The following MPDZ variants were observed in gnomAD, a reference collection of about 807,000 sequenced individuals.
MPDZ encodes the protein multiple PDZ domain crumbs cell polarity complex component.
MPDZ carries 234 observed loss-of-function variants against 239.1 expected under a neutral mutation model. The observed-to-expected ratio is 0.98, with a 90% confidence interval of 0.88 to 1.09. The LOEUF is 1.09. Ranked by LOEUF, MPDZ falls within the 50% of genes least tolerant of loss-of-function variation. The pLI is 0.00. For synonymous variants in MPDZ, 1,048 were observed against 881.3 expected (o/e 1.19, Z -3.35); for missense variants, 3,175 against 2,510.0 (o/e 1.26, Z -5.66).
At chr9:13,250,562 G>A (rs1269158810) in intron 1 of MPDZ, among the ~76,000 whole-genome samples, 190 bp from the exon 2 acceptor site, 2 of 152,216 alleles carry the variant, frequency 1.3e-5, no homozygotes, top group African/African-American at 2.4e-5. Context: ...TATCTTCTAT[G>A]TATATATTTA....
At position 13,205,201 on chromosome 9, in the gene MPDZ, G is replaced by A. The variant is rs983514538; in HGVS notation, c.1475-94C>T. ...AGTATATTTATTTGAACTCCTACAT[G>A]AGAATCTGTTTTTCAGAGATAAACT... is the stretch of plus-strand genomic sequence containing the variant. On this transcript the variant is annotated intron_variant, in intron 11 of 46. Coordinates refer to ENST00000319217, the MANE Select transcript of MPDZ (RefSeq NM_001378778.1). The A allele has an allele frequency of 4.9e-6, 3 of 607,700 alleles. No homozygotes were observed. The African/African-American group carries it at 5.8e-5, about 12-fold the overall frequency. 37.6% of individuals were successfully genotyped at this position (607,700 alleles called of 1,614,324 possible). A position where few individuals can be genotyped will look rare whatever the true frequency, so the allele number is the denominator to read the frequency against.
At chr9:13,226,225 C>T (rs1210944275) in intron 3 of MPDZ, among the ~76,000 whole-genome samples, 3 of 152,072 alleles carry the variant, frequency 2.0e-5, no homozygotes, top group African/African-American at 7.2e-5. Flanking sequence ...GTAACAACAA[C>T]GGAAAAGATC....
intron 3 of MPDZ, among the ~76,000 whole-genome samples, chr9:13,235,356 T>C (rs971645676): frequency 6.6e-6 from 1 of 152,190 alleles, no homozygotes; most frequent in Non-Finnish European, 1.5e-5. Flanking sequence ...TTTTACATTT[T>C]CTATGAGACC....
intron 21 of MPDZ, among the ~76,000 whole-genome samples, chr9:13,174,240 G>C (rs570188417): frequency 6.6e-6 from 1 of 151,986 alleles, no homozygotes; most frequent in Non-Finnish European, 1.5e-5. Flanking sequence ...ATCTATTATA[G>C]CATGTACAAT....
At chr9:13,256,179 G>C (rs1854664) in intron 1 of MPDZ, among the ~76,000 whole-genome samples, 147,670 of 152,292 alleles carry the variant, frequency 0.97, 71,732 homozygotes, top group East Asian at 1. Context: ...CTGCAGCTCC[G>C]TCACCTCTCT....
At chr9:13,201,308 G>C (rs1956361223) in intron 12 of MPDZ, among the ~76,000 whole-genome samples, 1 of 151,688 alleles carries the variant, frequency 6.6e-6, no homozygotes, top group South Asian at 2.1e-4. Context: ...AGCAATATTG[G>C]GGCTTCTTTG....
intron 38 of MPDZ, among the ~76,000 whole-genome samples, chr9:13,121,405 A>C (rs1944326585): frequency 1.3e-5 from 2 of 152,314 alleles, no homozygotes; most frequent in Non-Finnish European, 2.9e-5. Flanking sequence ...AATATATTTA[A>C]TTCGACGTTC....
intron 29 of MPDZ, 29 bp downstream of exon 29, chr9:13,137,928 T>C (rs1947073877): frequency 9.3e-6 from 15 of 1,609,212 alleles, no homozygotes; most frequent in Non-Finnish European, 1.3e-5. Context: ...AAAACAAGAA[T>C]AAATTCAAAA....
At chr9:13,119,242 C>T (rs1586931376) in intron 39 of MPDZ, among the ~76,000 whole-genome samples, 1 of 152,112 alleles carries the variant, frequency 6.6e-6, no homozygotes, top group East Asian at 1.9e-4. Context: ...CACAACCATG[C>T]CCAACTAATT....
chr9:13,195,611 G>A (rs1324515231), intron 13 of MPDZ, among the ~76,000 whole-genome samples: 1 of 151,886 alleles, frequency 6.6e-6, no homozygotes, highest in African/African-American at 2.4e-5. Context: ...TAGATATACA[G>A]GCTACTAATA....
chr9:13,150,663 T>C lies in MPDZ; in HGVS notation c.3478A>G (p.Lys1160Glu). 4 of 1,429,010 alleles carry C rather than the reference T, an allele frequency of 2.8e-6. No homozygotes were observed. The highest frequency in any genetic ancestry group is 3.7e-6 in the Non-Finnish European group (4 of 1,083,240). The allele number at this position is 1,429,010 out of a possible 1,614,324, so 88.5% of individuals were successfully genotyped here. Residue 1160 changes from lysine (K) to glutamate (E), a missense_variant, in exon 25 of 47, where the codon AAA (lysine) becomes GAA (glutamate). Transcript: ENST00000319217. ...RRVELWREPS[K>E]SLGISIVGGR... ...CCAACAATGCTGATGCCTAAGGATT[T>C]GCTTGGTTCTCTCCAGAGTTCCACC...
At chr9:13,152,290 G>C (rs1341381764) in intron 24 of MPDZ, among the ~76,000 whole-genome samples, 1 of 152,024 alleles carries the variant, frequency 6.6e-6, no homozygotes, top group African/African-American at 2.4e-5. Flanking sequence ...AACCTCCCCT[G>C]CTGATATGGT....
intron 1 of MPDZ, among the ~76,000 whole-genome samples, chr9:13,255,019 A>G (rs1969087254): frequency 6.6e-6 from 1 of 152,180 alleles, no homozygotes; most frequent in Admixed American, 6.5e-5. Flanking sequence ...ACAGCATTTT[A>G]CCCACAATAG....
At chr9:13,258,352 T>TA (rs1969921215) in intron 1 of MPDZ, among the ~76,000 whole-genome samples, 1 of 152,212 alleles carries the variant, frequency 6.6e-6, no homozygotes, top group African/African-American at 2.4e-5. Flanking sequence ...CTACTTATCT[T>TA]AAACAATTCT....
intron 43 of MPDZ, among the ~76,000 whole-genome samples, chr9:13,111,198 C>A (rs1470049170): frequency 1.3e-5 from 2 of 152,216 alleles, no homozygotes; most frequent in South Asian, 2.1e-4. Flanking sequence ...GACAGCCATG[C>A]TTATTTGGCT....
chr9:13,166,589 G>T (rs1951105235), intron 22 of MPDZ, among the ~76,000 whole-genome samples: 1 of 152,076 alleles, frequency 6.6e-6, no homozygotes, highest in Non-Finnish European at 1.5e-5. Flanking sequence ...ATGGATGACT[G>T]ATTTCCAGAG....
chr9:13,239,454 G>C (rs541887695), intron 3 of MPDZ, among the ~76,000 whole-genome samples: 1 of 152,048 alleles, frequency 6.6e-6, no homozygotes, highest in East Asian at 1.9e-4. Context: ...AATAGAACTA[G>C]AACAGTTCTG....
chr9:13,214,398 G>C lies in MPDZ; in HGVS notation c.1290+2376C>G, dbSNP rs1330687824. On this transcript the variant is annotated intron_variant, in intron 10 of 46. Transcript: ENST00000319217. ...ATCCATAGAGACAGAAAGTAGATTG[G>C]TGGTTGCCCAGGACTGGGAGAATGG... Among the ~76,000 whole-genome samples, 8 of 151,966 alleles carry C rather than the reference G, an allele frequency of 5.3e-5. No individual in the cohort carries two copies. In the South Asian group the frequency reaches 6.2e-4, roughly 12 times the overall value.
At chr9:13,119,016 T>C (rs1178784968) in intron 39 of MPDZ, among the ~76,000 whole-genome samples, 1 of 152,234 alleles carries the variant, frequency 6.6e-6, no homozygotes, top group Non-Finnish European at 1.5e-5. Context: ...CTTCAAATAG[T>C]TCAACAGTTT....
Sources: gnomAD v4.1 joint callset for allele counts (sites outside exome capture counted in the v4.1 genomes callset) on GRCh38, gnomAD v4.1.1 for gene constraint, MANE v1.5 for transcripts, NCBI Gene and HGNC (gene_info 2026-07-23, HGNC 2026-07-21) for gene names.